KCNB2: variants seen among roughly 807,000 people sequenced by gnomAD.
KCNB2 encodes the protein potassium voltage-gated channel subfamily B member 2, also known as delayed rectifier potassium channel protein.
In KCNB2, 15 loss-of-function variants were observed where a neutral mutation model predicts 61.5. The observed-to-expected ratio is 0.24, with a 90% CI of 0.16 to 0.38. KCNB2 has a LOEUF of 0.38. Ranked by LOEUF, KCNB2 falls within the 10% of genes least tolerant of loss-of-function variation. The pLI is 1.00. For missense variants in KCNB2, 828 were observed against 1,125.2 expected (o/e 0.74, Z 3.78); for synonymous variants, 457 against 446.0 (o/e 1.02, Z -0.31).
At chr8:72,905,726 T>C (rs1806166035) in intron 2 of KCNB2, among the ~76,000 whole-genome samples, 1 of 152,130 alleles carries the variant, frequency 6.6e-6, no homozygotes, top group African/African-American at 2.4e-5. Context: ...GCAAAAAGGC[T>C]TTCAGTCAGA....
intron 1 of KCNB2, among the ~76,000 whole-genome samples, chr8:72,553,221 C>T (rs536581347): frequency 5.3e-5 from 8 of 152,174 alleles, no homozygotes; most frequent in South Asian, 2.1e-4. Context: ...AAGAATTTAA[C>T]GTAAGCCATT....
At chr8:72,707,122 T>G (rs1807240183) in intron 2 of KCNB2, among the ~76,000 whole-genome samples, 2 of 152,212 alleles carry the variant, frequency 1.3e-5, no homozygotes, top group Admixed American at 1.3e-4. Flanking sequence ...AAGGCAGAAG[T>G]AAACCATCCC....
chr8:72,864,542 A>G lies in KCNB2; in HGVS notation c.580-71393A>G, dbSNP rs16938452. On this transcript the variant is annotated intron_variant, in intron 2 of 2. Transcript: ENST00000523207. Reference sequence around the variant, plus strand: ...ATTTATTGCATTTCCATTAAGGTCAACCTACAGTGTACATGTGTCAGAGGA... The same window carrying G: ...ATTTATTGCATTTCCATTAAGGTCAGCCTACAGTGTACATGTGTCAGAGGA... 3.0e-3 allele frequency among the ~76,000 whole-genome samples: 463 copies of G among 152,312 alleles called. 4 individuals carry two copies. Among genetic ancestry groups the G allele is most frequent in the African/African-American group, 0.01 (434 of 41,574 alleles).
intron 2 of KCNB2, among the ~76,000 whole-genome samples, chr8:72,674,482 A>G (rs1237232239): frequency 6.6e-6 from 1 of 152,250 alleles, no homozygotes; most frequent in Non-Finnish European, 1.5e-5. Context: ...GCAGTGTACA[A>G]TAAATAGACT....
In KCNB2 at chr8:72,685,647, CAGAGCGG is replaced by C. The variant is rs201930068; in HGVS notation, c.579+117335_579+117341del. 2.1e-3 allele frequency among the ~76,000 whole-genome samples: 318 copies of C among 152,164 alleles called. 3 individuals are homozygous for C. The highest frequency in any genetic ancestry group is 7.2e-3 in the African/African-American group (299 of 41,506). ...GAAGCTAAGACCTGAAGATGAGTGG[CAGAGCGG>C]TTGAGTCACGGTCTGAATGGGAAGG... On this transcript the variant is annotated intron_variant, in intron 2 of 2. Coordinates refer to ENST00000523207, the MANE Select transcript of KCNB2 (RefSeq NM_004770.3).
intron 2 of KCNB2, among the ~76,000 whole-genome samples, chr8:72,614,845 C>T (rs980689405): frequency 6.6e-6 from 1 of 152,152 alleles, no homozygotes; most frequent in Non-Finnish European, 1.5e-5. Context: ...CTCAGAGATG[C>T]CATAACTTAC....
chr8:72,909,059 G>A (rs1246055492), intron 2 of KCNB2, among the ~76,000 whole-genome samples: 4 of 152,152 alleles, frequency 2.6e-5, no homozygotes, highest in Admixed American at 2.6e-4. Context: ...CCAAGTCCTG[G>A]GGATAGAAGG....
chr8:72,794,657 T>C (rs35135027), intron 2 of KCNB2, among the ~76,000 whole-genome samples: 21,408 of 151,170 alleles, frequency 0.14, 1,819 homozygotes, highest in South Asian at 0.31. Context: ...GGTAGGTGAC[T>C]AAAATATACA....
At chr8:72,712,858 C>T (rs372390694) in intron 2 of KCNB2, among the ~76,000 whole-genome samples, 4 of 152,114 alleles carry the variant, frequency 2.6e-5, no homozygotes, top group East Asian at 1.9e-4. Context: ...CAAAGCAGGG[C>T]GAGGCATCAC....
intron 2 of KCNB2, among the ~76,000 whole-genome samples, chr8:72,585,330 A>C (rs192347493): frequency 7.9e-4 from 121 of 152,246 alleles, no homozygotes; most frequent in African/African-American, 2.7e-3. Flanking sequence ...TCTTTTAAGA[A>C]ACTCCCATGC....
At chr8:72,873,563 T>C (rs548349706) in intron 2 of KCNB2, among the ~76,000 whole-genome samples, 10 of 152,336 alleles carry the variant, frequency 6.6e-5, no homozygotes, top group Admixed American at 2.0e-4. Flanking sequence ...ATGAATGTCA[T>C]TTGCTATCCA....
intron 2 of KCNB2, among the ~76,000 whole-genome samples, chr8:72,583,613 G>T (rs1250034612): frequency 6.6e-6 from 1 of 152,156 alleles, no homozygotes; most frequent in Non-Finnish European, 1.5e-5. Flanking sequence ...ATCATGGGAA[G>T]CCTGGGCGAG....
At chr8:72,853,023 T>C (rs1324937922) in intron 2 of KCNB2, among the ~76,000 whole-genome samples, 1 of 152,228 alleles carries the variant, frequency 6.6e-6, no homozygotes, top group East Asian at 1.9e-4. Context: ...TTGGTTTCTA[T>C]TCAATTGTGT....
intron 2 of KCNB2, among the ~76,000 whole-genome samples, chr8:72,594,651 G>A (rs1807157424): frequency 6.6e-6 from 1 of 152,132 alleles, no homozygotes; most frequent in South Asian, 2.1e-4. Context: ...TCATAACACA[G>A]CAGCGCTTTT....
intron 2 of KCNB2, among the ~76,000 whole-genome samples, chr8:72,786,874 T>C (rs1438765448): frequency 1.3e-5 from 2 of 152,158 alleles, no homozygotes. Context: ...CATTTTCTTC[T>C]CATTATGTCT....
chr8:72,679,393 A>G, intron 2 of KCNB2, among the ~76,000 whole-genome samples: 1 of 152,218 alleles, frequency 6.6e-6, no homozygotes, highest in East Asian at 1.9e-4. Context: ...CTTTCATCAC[A>G]TGATAATGAG....
At chr8:72,859,329 A>T (rs954141053) in intron 2 of KCNB2, among the ~76,000 whole-genome samples, 19 of 152,208 alleles carry the variant, frequency 1.2e-4, no homozygotes, top group Admixed American at 2.6e-4. Flanking sequence ...TTATCAATAC[A>T]TTGATGCCTA....
In KCNB2 at chr8:72,823,542, C is replaced by G. The variant is rs1363066683; in HGVS notation, c.580-112393C>G. Among the ~76,000 whole-genome samples the G allele has an allele frequency of 2.0e-5, 3 of 152,188 alleles. No homozygotes were observed. In the East Asian group the frequency reaches 5.8e-4, roughly 29 times the overall value. On this transcript the variant is annotated intron_variant, in intron 2 of 2. Coordinates refer to ENST00000523207, the MANE Select transcript of KCNB2 (RefSeq NM_004770.3). The stretch of plus-strand genomic sequence containing the variant: ...CATACTCTACTTCCAAGCTCCTTGT[C>G]AAATGCAAGTTTCCAGGATTTCAGA...
chr8:72,598,541 A>C lies in KCNB2; in HGVS notation c.579+30228A>C, dbSNP rs938045815. On this transcript the variant is annotated intron_variant, in intron 2 of 2. Coordinates refer to ENST00000523207, the MANE Select transcript of KCNB2 (RefSeq NM_004770.3). ...AAGCATTCCCTTTGAAAACTGGCAC[A>C]AGACAAGAATGCCCTCTCTCACCAC... 4.6e-5 allele frequency among the ~76,000 whole-genome samples: 7 copies of C among 152,218 alleles called. 1 individual carries two copies. Among genetic ancestry groups the C allele is most frequent in the South Asian group, 4.1e-4 (2 of 4,826 alleles).
Sources: gnomAD v4.1 joint callset for allele counts (sites outside exome capture counted in the v4.1 genomes callset) on GRCh38, gnomAD v4.1.1 for gene constraint, MANE v1.5 for transcripts, NCBI Gene and HGNC (gene_info 2026-07-23, HGNC 2026-07-21) for gene names.